Variants in FRMD4A observed in about 807,000 individuals in gnomAD.
FRMD4A encodes the protein FERM domain containing 4A.
Under a neutral mutation model 129.1 loss-of-function variants are expected in FRMD4A, and 29 were observed. The observed-to-expected ratio is 0.22, with a 90% CI of 0.17 to 0.31. FRMD4A has a LOEUF of 0.31. Ranked by LOEUF, FRMD4A falls within the 10% of genes least tolerant of loss-of-function variation. FRMD4A has a pLI of 1.00. For missense variants in FRMD4A, 1,272 were observed against 1,375.8 expected, an observed-to-expected ratio of 0.92 and a Z score of 1.19; for synonymous variants, 634 against 571.6, an observed-to-expected ratio of 1.11 and a Z score of -1.56.
chr10:13,760,268 T>G (rs2092018708), intron 8 of FRMD4A, among the ~76,000 whole-genome samples: 1 of 152,092 alleles, frequency 6.6e-6, no homozygotes, highest in Admixed American at 6.6e-5. Flanking sequence ...TCGCCGATCC[T>G]TGTTTTAGAC....
chr10:13,902,491 G>GAA (rs59034608), intron 2 of FRMD4A, among the ~76,000 whole-genome samples: 1 of 151,020 alleles, frequency 6.6e-6, no homozygotes, highest in Non-Finnish European at 1.5e-5. Flanking sequence ...GAGAGAGAGA[G>GAA]TGACAGAGAT....
rs372420987 is a variant in FRMD4A, at chr10:14,110,125, T to TTAAAAAAA, written c.45+219932_45+219933insTTTTTTTA. On this transcript the variant is annotated intron_variant, in intron 2 of 24. Coordinates refer to ENST00000357447, the MANE Select transcript of FRMD4A (RefSeq NM_018027.5). The stretch of plus-strand genomic sequence containing the variant: ...GGCTGGGCAACAAAGCGAGATGCTG[T>TTAAAAAAA]AAAAAAAAAAAAAAAAAAAAAAGCT... Among the ~76,000 whole-genome samples the TTAAAAAAA allele has an allele frequency of 6.3e-3, 564 of 89,526 alleles. 120 individuals are homozygous for TTAAAAAAA. Among genetic ancestry groups the TTAAAAAAA allele is most frequent in the African/African-American group, 0.017 (363 of 21,502 alleles). 58.7% of individuals were successfully genotyped at this position (89,526 alleles called of 152,430 possible).
chr10:13,673,588 G>GCACA (rs371599235), intron 16 of FRMD4A, among the ~76,000 whole-genome samples: 318 of 147,772 alleles, frequency 2.2e-3, no homozygotes, highest in African/African-American at 7.4e-3. Flanking sequence ...GTGCGCGCGC[G>GCACA]CACACACACA....
chr10:14,228,203 A>G (rs182370384), intron 2 of FRMD4A, among the ~76,000 whole-genome samples: 1 of 152,262 alleles, frequency 6.6e-6, no homozygotes, highest in East Asian at 1.9e-4. Context: ...TTTAGATTCA[A>G]ATGTTGATAG....
intron 2 of FRMD4A, among the ~76,000 whole-genome samples, chr10:14,085,885 T>C (rs1189464168): frequency 6.6e-6 from 1 of 152,218 alleles, no homozygotes; most frequent in Non-Finnish European, 1.5e-5. Context: ...TTTTCTGGAC[T>C]GCGGCAGGCA....
At chr10:14,073,733 T>TACC (rs1835426307) in intron 2 of FRMD4A, among the ~76,000 whole-genome samples, 1 of 152,174 alleles carries the variant, frequency 6.6e-6, no homozygotes, top group Non-Finnish European at 1.5e-5. Flanking sequence ...TGTTGTGACC[T>TACC]ACCCACTGGT....
chr10:14,011,339 C>T (rs1024173984), intron 2 of FRMD4A, among the ~76,000 whole-genome samples: 2 of 152,142 alleles, frequency 1.3e-5, no homozygotes, highest in African/African-American at 4.8e-5. Flanking sequence ...GGCTAAGAAC[C>T]ACAAAGGGGG....
intron 2 of FRMD4A, among the ~76,000 whole-genome samples, chr10:14,224,864 T>G (rs538405497): frequency 1.3e-4 from 20 of 152,308 alleles, no homozygotes; most frequent in Admixed American, 3.3e-4. Flanking sequence ...TTGCAACTGA[T>G]GTAGAGCAGG....
intron 2 of FRMD4A, among the ~76,000 whole-genome samples, chr10:14,178,651 C>T (rs1465695552): frequency 6.6e-6 from 1 of 152,126 alleles, no homozygotes; most frequent in African/African-American, 2.4e-5. Context: ...GGCACCCTAA[C>T]ACCCTTGACA....
chr10:13,860,321 T>A (rs932572702), intron 2 of FRMD4A, among the ~76,000 whole-genome samples: 1 of 152,250 alleles, frequency 6.6e-6, no homozygotes, highest in Admixed American at 6.5e-5. Context: ...TCTTTGTTTG[T>A]TAACACCATG....
At chr10:14,261,173 T>C (rs534345088) in intron 2 of FRMD4A, among the ~76,000 whole-genome samples, 1 of 152,322 alleles carries the variant, frequency 6.6e-6, no homozygotes, top group East Asian at 1.9e-4. Flanking sequence ...CGCCTCATGG[T>C]TCAGCCTTGG....
intron 2 of FRMD4A, among the ~76,000 whole-genome samples, chr10:14,065,011 T>A (rs767006460): frequency 4.6e-5 from 7 of 152,216 alleles, no homozygotes; most frequent in Non-Finnish European, 8.8e-5. Context: ...ACTACCATAC[T>A]GTTTTTAAGC....
At chr10:13,742,642 G>A (rs1588515616) in intron 9 of FRMD4A, among the ~76,000 whole-genome samples, 1 of 152,082 alleles carries the variant, frequency 6.6e-6, no homozygotes, top group East Asian at 1.9e-4. Flanking sequence ...TCAGTCTTCC[G>A]AATAGCTGGG....
At chr10:14,230,913 C>G (rs1446246064) in intron 2 of FRMD4A, among the ~76,000 whole-genome samples, 2 of 152,170 alleles carry the variant, frequency 1.3e-5, no homozygotes, top group Non-Finnish European at 2.9e-5. Flanking sequence ...TTTTAGTTCA[C>G]TTAGGATAAT....
intron 2 of FRMD4A, among the ~76,000 whole-genome samples, chr10:14,293,027 A>G (rs1261112366): frequency 7.3e-6 from 1 of 136,164 alleles, no homozygotes; most frequent in African/African-American, 2.6e-5. Context: ...TCATGAACAC[A>G]TAACTGATAA....
intron 2 of FRMD4A, among the ~76,000 whole-genome samples, chr10:14,230,457 A>G (rs1843600349): frequency 6.6e-6 from 1 of 152,222 alleles, no homozygotes; most frequent in South Asian, 2.1e-4. Flanking sequence ...TGTGAGGATT[A>G]TGAAGACCAT....
intron 6 of FRMD4A, among the ~76,000 whole-genome samples, chr10:13,781,995 C>T (rs1343731495): frequency 8.5e-5 from 13 of 152,050 alleles, no homozygotes; most frequent in Non-Finnish European, 1.3e-4. Flanking sequence ...GTATGCTGCT[C>T]GAGTGAAGGG....
intron 2 of FRMD4A, among the ~76,000 whole-genome samples, chr10:13,902,488 A>AGAGAGAGAGT (rs1371838262): frequency 4.0e-5 from 6 of 151,548 alleles, no homozygotes; most frequent in African/African-American, 1.5e-4. Context: ...AGAGAGAGAG[A>AGAGAGAGAGT]GAGTGACAGA....
intron 12 of FRMD4A, among the ~76,000 whole-genome samples, chr10:13,716,413 T>G (rs2088814084): frequency 6.6e-6 from 1 of 152,208 alleles, no homozygotes; most frequent in South Asian, 2.1e-4. Flanking sequence ...GGCAGATCAC[T>G]GGCTTCCTAA....
Sources: allele counts gnomAD v4.1 joint callset (sites outside exome capture counted in the v4.1 genomes callset), GRCh38; gene constraint gnomAD v4.1.1; transcripts MANE v1.5; gene names NCBI Gene and HGNC (gene_info 2026-07-23, HGNC 2026-07-21).